Variants in SLC13A3 observed in about 807,000 individuals in gnomAD.
SLC13A3 encodes Na(+)/dicarboxylate cotransporter 3.
Under a neutral mutation model 59.0 loss-of-function variants are expected in SLC13A3, and 40 were observed. That is an observed-to-expected ratio of 0.68 (90% CI 0.53 to 0.88). SLC13A3 has a LOEUF of 0.88. Among genes scored for constraint, SLC13A3 ranks in the 40% least tolerant of loss-of-function variants. SLC13A3 has a pLI of 0.00. For synonymous variants in SLC13A3, 317 were observed against 330.3 expected (o/e 0.96, Z 0.44); for missense variants, 699 against 783.2 (o/e 0.89, Z 1.28).
chr20:46,649,326 C>T (rs1376377263), intron 1 of SLC13A3, among the ~76,000 whole-genome samples: 1 of 152,138 alleles, frequency 6.6e-6, no homozygotes, highest in Non-Finnish European at 1.5e-5. Context: ...AGCTTCAGAC[C>T]TCTCCCAAGC....
chr20:46,629,737 C>T (rs1433156414), intron 1 of SLC13A3, among the ~76,000 whole-genome samples: 4 of 152,030 alleles, frequency 2.6e-5, no homozygotes, highest in African/African-American at 9.7e-5. Flanking sequence ...TGTTTTTTCA[C>T]CCCCTTCTGC....
rs745929927 is a variant in SLC13A3 at position 46,560,195 on chromosome 20, G to A, written c.1636C>T (p.Arg546Trp). ...ATCAGGTTCATCAGGAGGCCTGTCC[G>A]CACCTGAAATAGAGCCCAGACAGAG... ...SGHLLVKDMV[R>W]TGLLMNLMGV... The change falls in exon 13 of 13, where the codon CGG becomes TGG. Residue 546 changes from arginine to tryptophan, a missense_variant. Transcript: ENST00000279027. The A allele has an allele frequency of 2.2e-5, 36 of 1,613,828 alleles. No individual in the cohort carries two copies. The highest frequency in any genetic ancestry group is 6.7e-5 in the Admixed American group (4 of 59,990).
chr20:46,629,113 A>G (rs1306577516), intron 1 of SLC13A3, among the ~76,000 whole-genome samples: 2 of 152,220 alleles, frequency 1.3e-5, no homozygotes, highest in Non-Finnish European at 2.9e-5. Flanking sequence ...TTTCTTTCTT[A>G]TATGCTCTAT....
chr20:46,634,099 A>C (rs1011113108), intron 1 of SLC13A3, among the ~76,000 whole-genome samples: 2 of 152,158 alleles, frequency 1.3e-5, no homozygotes, highest in Non-Finnish European at 1.5e-5. Flanking sequence ...AGCACTTACT[A>C]TGTGTGAGTG....
At chr20:46,567,740 C>T (rs2146083789) in intron 10 of SLC13A3, among the ~76,000 whole-genome samples, 1 of 152,308 alleles carries the variant, frequency 6.6e-6, no homozygotes, top group South Asian at 2.1e-4. Context: ...TACTCTTCCG[C>T]ACCTCTGTCC....
chr20:46,588,885 G>A (rs934314137), intron 7 of SLC13A3, among the ~76,000 whole-genome samples: 4 of 152,198 alleles, frequency 2.6e-5, no homozygotes, highest in Admixed American at 6.5e-5. Context: ...GGTATTCTGC[G>A]TACCGGGAGG....
At chr20:46,619,911 A>G (rs2062598016) in intron 1 of SLC13A3, among the ~76,000 whole-genome samples, 1 of 152,114 alleles carries the variant, frequency 6.6e-6, no homozygotes, top group Non-Finnish European at 1.5e-5. Context: ...CTGGATTTGA[A>G]CTATAGCTTG....
chr20:46,623,636 G>C (rs1165701260), intron 1 of SLC13A3, among the ~76,000 whole-genome samples: 1 of 152,062 alleles, frequency 6.6e-6, no homozygotes, highest in Non-Finnish European at 1.5e-5. Context: ...TCAGTCCCAG[G>C]GTAGTGTTGC....
At position 46,575,683 on chromosome 20, in the gene SLC13A3, G is replaced by T; in HGVS notation, c.1222C>A (p.Pro408Thr). Reference sequence around the variant, plus strand: ...AGCAAGGGCTCTGTCTCTGTGTTGGGAGCTGGGCAGAGAGAGGGATTCAGC... The same window carrying T: ...AGCAAGGGCTCTGTCTCTGTGTTGGTAGCTGGGCAGAGAGAGGGATTCAGC... ...SLKWWFDFKA[P>T]NTETEPLLTW... Residue 408 changes from proline to threonine, a missense_variant and splice_region_variant, in exon 10 of 13, where the codon CCC becomes ACC. Transcript: ENST00000279027. The T allele has an allele frequency of 6.3e-7, 1 of 1,577,102 alleles. No individual in the cohort carries two copies. Among genetic ancestry groups the T allele is most frequent in the South Asian group, 1.2e-5 (1 of 85,316 alleles).
chr20:46,652,292 A>G (rs148649826), upstream of SLC13A3, among the ~76,000 whole-genome samples: 178 of 152,384 alleles, frequency 1.2e-3, no homozygotes, highest in African/African-American at 4.1e-3. Context: ...TAGGAAGTTT[A>G]AATGAGATAA....
chr20:46,574,420 T>C (rs2062054698), intron 10 of SLC13A3, among the ~76,000 whole-genome samples: 1 of 152,238 alleles, frequency 6.6e-6, no homozygotes, highest in African/African-American at 2.4e-5. Context: ...TGGTGACAGA[T>C]GCTGGATGCT....
intron 1 of SLC13A3, among the ~76,000 whole-genome samples, chr20:46,628,346 G>C (rs1251032591): frequency 1.3e-5 from 2 of 152,156 alleles, no homozygotes; most frequent in African/African-American, 4.8e-5. Context: ...TGCTGAGCGG[G>C]CCCAGGGAAG....
intron 3 of SLC13A3, among the ~76,000 whole-genome samples, chr20:46,608,455 C>T (rs2062457535): frequency 6.6e-6 from 1 of 152,180 alleles, no homozygotes; most frequent in Admixed American, 6.5e-5. Flanking sequence ...TTTGTTAATC[C>T]ATGCTATAAA....
At chr20:46,603,064 G>A (rs1357585827) in intron 3 of SLC13A3, among the ~76,000 whole-genome samples, 3 of 152,070 alleles carry the variant, frequency 2.0e-5, no homozygotes, top group Admixed American at 6.5e-5. Context: ...TGTAATCCCA[G>A]CTACTCAGGA....
intron 9 of SLC13A3, among the ~76,000 whole-genome samples, chr20:46,580,461 T>C (rs1445543349): frequency 6.7e-6 from 1 of 148,264 alleles, no homozygotes; most frequent in Non-Finnish European, 1.5e-5. Flanking sequence ...ATATATATAA[T>C]ATATAAAATA....
At chr20:46,575,755 G>T in intron 9 of SLC13A3, 70 bp from the exon 10 acceptor site, 1 of 909,478 alleles carries the variant, frequency 1.1e-6, no homozygotes. Flanking sequence ...CCAGCCCTGA[G>T]CCCCATCTTA....
At chr20:46,650,500 T>C (rs1364504089) in intron 1 of SLC13A3, among the ~76,000 whole-genome samples, 1 of 152,228 alleles carries the variant, frequency 6.6e-6, no homozygotes, top group East Asian at 1.9e-4. Context: ...CGTAAGGACC[T>C]GGTGCAGAAA....
intron 5 of SLC13A3, among the ~76,000 whole-genome samples, chr20:46,593,769 T>A (rs1600531517): frequency 6.6e-6 from 1 of 152,124 alleles, no homozygotes; most frequent in Admixed American, 6.5e-5. Context: ...TTCTAAAAAA[T>A]TTTAATAATA....
chr20:46,679,208 T>A (rs1028683020), intron 1 of SLC13A3, among the ~76,000 whole-genome samples: 1 of 152,218 alleles, frequency 6.6e-6, no homozygotes, highest in African/African-American at 2.4e-5. Context: ...TTTCCTGAGA[T>A]GAAGCTATCT....
Sources: allele counts gnomAD v4.1 joint callset (sites outside exome capture counted in the v4.1 genomes callset), GRCh38; gene constraint gnomAD v4.1.1; transcripts MANE v1.5; gene names NCBI Gene and HGNC (gene_info 2026-07-23, HGNC 2026-07-21).